CACNB2: variants seen among roughly 807,000 people sequenced by gnomAD.
CACNB2 encodes the protein voltage-dependent L-type calcium channel subunit beta-2.
A neutral mutation model predicts 73.3 loss-of-function variants in CACNB2; 42 were observed. The observed-to-expected ratio is 0.57, with a 90% confidence interval of 0.45 to 0.74. The LOEUF (loss-of-function observed/expected upper bound fraction) is 0.74. Ranked by LOEUF, CACNB2 falls within the 30% of genes least tolerant of loss-of-function variation. The pLI is 0.00. For synonymous variants in CACNB2, 348 were observed against 310.3 expected, an observed-to-expected ratio of 1.12 and a Z score of -1.28; for missense variants, 940 against 853.0, an observed-to-expected ratio of 1.10 and a Z score of -1.27.
At chr10:18,164,862 C>T (rs769014318) in intron 2 of CACNB2, among the ~76,000 whole-genome samples, 5 of 152,240 alleles carry the variant, frequency 3.3e-5, no homozygotes, top group Non-Finnish European at 4.4e-5. Context: ...CAAAAATACA[C>T]GGACTTCCTG....
chr10:18,231,393 G>C (rs538775188), intron 2 of CACNB2, among the ~76,000 whole-genome samples: 1 of 152,072 alleles, frequency 6.6e-6, no homozygotes, highest in African/African-American at 2.4e-5. Flanking sequence ...TGGCCAGGCT[G>C]GTCTCAAACT....
chr10:18,512,436 G>C (rs2050856126), intron 6 of CACNB2, among the ~76,000 whole-genome samples: 1 of 150,944 alleles, frequency 6.6e-6, no homozygotes, highest in Non-Finnish European at 1.5e-5. Flanking sequence ...CCTTTGCATT[G>C]ACTGGATTGA....
chr10:18,488,867 G>T (rs926581368), intron 3 of CACNB2, among the ~76,000 whole-genome samples: 1 of 151,312 alleles, frequency 6.6e-6, no homozygotes, highest in African/African-American at 2.4e-5. Context: ...CTTATGGCCT[G>T]GGAGAACATA....
At chr10:18,261,008 A>T (rs1161740149) in intron 2 of CACNB2, 4 of 1,397,122 alleles carry the variant, frequency 2.9e-6, no homozygotes, top group East Asian at 2.7e-5. Flanking sequence ...GATTTTTGCA[A>T]ATAGGAAACC....
chr10:18,516,772 GCT>G (rs1456105263), intron 7 of CACNB2, among the ~76,000 whole-genome samples: 1 of 151,336 alleles, frequency 6.6e-6, no homozygotes, highest in Non-Finnish European at 1.5e-5. Context: ...TTAGAGTGGT[GCT>G]TGTGTGGTAC....
chr10:18,290,798 G>A (rs546609110), intron 2 of CACNB2, among the ~76,000 whole-genome samples: 3 of 152,174 alleles, frequency 2.0e-5, no homozygotes, highest in Admixed American at 1.3e-4. Flanking sequence ...TGTATAATCC[G>A]ATTTCATCAA....
At chr10:18,247,027 G>A (rs978306134) in intron 2 of CACNB2, among the ~76,000 whole-genome samples, 27 of 152,110 alleles carry the variant, frequency 1.8e-4, no homozygotes, top group African/African-American at 5.1e-4. Context: ...ATGCAGCCTC[G>A]CAGTTGTAAG....
At chr10:18,472,265 C>T (rs560516571) in intron 3 of CACNB2, among the ~76,000 whole-genome samples, 215 of 130,720 alleles carry the variant, frequency 1.6e-3, no homozygotes, top group African/African-American at 6.2e-3. Flanking sequence ...GACATGGAGT[C>T]TCGCTCTGTC....
At chr10:18,233,787 G>A (rs371144159) in intron 2 of CACNB2, among the ~76,000 whole-genome samples, 4 of 152,092 alleles carry the variant, frequency 2.6e-5, no homozygotes, top group African/African-American at 9.7e-5. Context: ...GGGCACAAAA[G>A]AATAAAAAAT....
chr10:18,448,065 C>T (rs889608177), intron 3 of CACNB2, among the ~76,000 whole-genome samples: 1 of 152,156 alleles, frequency 6.6e-6, no homozygotes, highest in African/African-American at 2.4e-5. Flanking sequence ...AGTCACAGCT[C>T]ACTGTAGCCT....
At chr10:18,246,401 C>T (rs1251071089) in intron 2 of CACNB2, among the ~76,000 whole-genome samples, 3 of 151,862 alleles carry the variant, frequency 2.0e-5, no homozygotes, top group Non-Finnish European at 4.4e-5. Context: ...TTCTCTCTTT[C>T]TTTTAAAAAA....
At chr10:18,310,785 A>G (rs1165291272) in intron 2 of CACNB2, among the ~76,000 whole-genome samples, 1 of 151,412 alleles carries the variant, frequency 6.6e-6, no homozygotes, top group Non-Finnish European at 1.5e-5. Flanking sequence ...GTTTCACCAC[A>G]TTGGCCAGGG....
intron 2 of CACNB2, among the ~76,000 whole-genome samples, chr10:18,174,609 G>A (rs1420817695): frequency 6.6e-6 from 1 of 151,902 alleles, no homozygotes; most frequent in East Asian, 1.9e-4. Context: ...TCACCATGTT[G>A]GCCCTGCTGG....
At chr10:18,209,532 G>A (rs949425607) in intron 2 of CACNB2, among the ~76,000 whole-genome samples, 1 of 152,118 alleles carries the variant, frequency 6.6e-6, no homozygotes, top group Non-Finnish European at 1.5e-5. Flanking sequence ...GTATTACACA[G>A]GCAATGAAGG....
At chr10:18,409,410 C>T (rs7084123) in intron 3 of CACNB2, among the ~76,000 whole-genome samples, 132,850 of 152,140 alleles carry the variant, frequency 0.87, 58,411 homozygotes, top group East Asian at 0.98. Flanking sequence ...ACTGCTGGGA[C>T]TACAGATATG....
intron 2 of CACNB2, among the ~76,000 whole-genome samples, chr10:18,221,290 C>T (rs900549254): frequency 9.2e-5 from 14 of 152,158 alleles, no homozygotes; most frequent in African/African-American, 3.1e-4. Context: ...TATGGGAGTT[C>T]AGAATTGACT....
At chr10:18,311,967 T>C (rs1345532283) in intron 2 of CACNB2, among the ~76,000 whole-genome samples, 1 of 152,208 alleles carries the variant, frequency 6.6e-6, no homozygotes, top group Non-Finnish European at 1.5e-5. Flanking sequence ...CCAATGATAG[T>C]CCCCTTCTAT....
rs1183174293 is a variant in CACNB2 at position 18,541,092 on chromosome 10, AT to A, written c.*1373del. ...GTGGAATTATTTCGTGGGAAAATAAATTTTTATAACTTCTCCCACTTCAATT... is the reference window on the plus strand; with the variant it reads ...GTGGAATTATTTCGTGGGAAAATAAATTTTATAACTTCTCCCACTTCAATT... On this transcript the variant is annotated 3_prime_UTR_variant, in exon 14 of 14. Transcript: ENST00000324631. 1.3e-5 allele frequency: 2 copies of A among 152,596 alleles called. No homozygotes were observed. Among genetic ancestry groups the A allele is most frequent in the African/African-American group, 4.8e-5 (2 of 41,424 alleles). The allele number at this position is 152,596 out of a possible 1,614,324, so 9.5% of individuals were successfully genotyped here. A position where few individuals can be genotyped will look rare whatever the true frequency, so the allele number is the denominator to read the frequency against.
chr10:18,191,471 G>C (rs1320175308), intron 2 of CACNB2, among the ~76,000 whole-genome samples: 3 of 152,096 alleles, frequency 2.0e-5, no homozygotes, highest in Non-Finnish European at 4.4e-5. Flanking sequence ...AGTTATTGGG[G>C]TACAGGTGGT....
Sources: allele counts gnomAD v4.1 joint callset (sites outside exome capture counted in the v4.1 genomes callset), GRCh38; gene constraint gnomAD v4.1.1; transcripts MANE v1.5; gene names NCBI Gene and HGNC (gene_info 2026-07-23, HGNC 2026-07-21).